The following PSD3 variants were observed in gnomAD, a reference collection of about 807,000 sequenced individuals.
PSD3 encodes the protein PH and SEC7 domain-containing protein 3.
A neutral mutation model predicts 105.5 loss-of-function variants in PSD3; 49 were observed. The ratio of observed to expected loss-of-function variants is 0.46; its 90% CI spans 0.37 to 0.59. PSD3 has a LOEUF of 0.59. Ranked by LOEUF, PSD3 falls within the 20% of genes least tolerant of loss-of-function variation. The probability of loss-of-function intolerance (pLI) is 0.00; values close to 1 mark genes in which losing one functional copy is unlikely to be tolerated. For missense variants in PSD3, 1,561 were observed against 1,263.8 expected, an observed-to-expected ratio of 1.24 and a Z score of -3.57; for synonymous variants, 557 against 457.8, an observed-to-expected ratio of 1.22 and a Z score of -2.77.
Position 19,076,034 on chromosome 8 carries a change from A to T in PSD3, c.324+8172T>A, listed in dbSNP as rs6586803. Among the ~76,000 whole-genome samples, 51 of 152,162 alleles carry T rather than the reference A, an allele frequency of 3.4e-4. 1 individual carries two copies. The South Asian group carries it at 8.3e-3, about 25-fold the overall frequency. Reference sequence around the variant, plus strand: ...CAAGGCAACCTAATAAATGAAAAAAAGGCAGGCGCCAGCCAGAAGTGGCTC... The same window carrying T: ...CAAGGCAACCTAATAAATGAAAAAATGGCAGGCGCCAGCCAGAAGTGGCTC... On this transcript the variant is annotated intron_variant, in intron 1 of 1. Transcript: ENST00000521475.
rs77850467 is a variant in PSD3 at position 18,705,990 on chromosome 8, T to C, written c.2173-50305A>G. ...ACTCCATTGATGTTGACCACACCCATGTAACTTGCTTTGGCCAGTGGACTA... is the reference window on the plus strand; with the variant it reads ...ACTCCATTGATGTTGACCACACCCACGTAACTTGCTTTGGCCAGTGGACTA... On this transcript the variant is annotated intron_variant, in intron 9 of 15. Transcript: ENST00000327040. Among the ~76,000 whole-genome samples, 827 of 152,324 alleles carry C rather than the reference T, an allele frequency of 5.4e-3. 8 individuals carry two copies. Among genetic ancestry groups the C allele is most frequent in the African/African-American group, 0.019 (802 of 41,570 alleles).
intron 4 of PSD3, among the ~76,000 whole-genome samples, chr8:18,828,071 T>A (rs868559778): frequency 1.9e-3 from 245 of 128,286 alleles, no homozygotes; most frequent in Middle Eastern, 0.012. Context: ...ATATATATTT[T>A]TTTTTTTTTA....
intron 11 of PSD3, among the ~76,000 whole-genome samples, chr8:18,608,493 C>T (rs1253425822): frequency 1.3e-5 from 2 of 152,172 alleles, no homozygotes; most frequent in African/African-American, 2.4e-5. Context: ...GCAGTTCCTC[C>T]AAAGATGGGT....
intron 4 of PSD3, among the ~76,000 whole-genome samples, chr8:18,856,392 AT>A (rs1427675343): frequency 6.6e-6 from 1 of 151,710 alleles, no homozygotes; most frequent in Non-Finnish European, 1.5e-5. Flanking sequence ...GCTGGCCACT[AT>A]GCCAGGGGTT....
intron 4 of PSD3, among the ~76,000 whole-genome samples, chr8:18,807,792 C>T (rs1811329728): frequency 6.6e-6 from 1 of 152,046 alleles, no homozygotes; most frequent in Non-Finnish European, 1.5e-5. Flanking sequence ...TTTTTTCATC[C>T]TACATCTTCC....
intron 1 of PSD3, among the ~76,000 whole-genome samples, chr8:19,037,421 C>G (rs1827981083): frequency 6.6e-6 from 1 of 152,182 alleles, no homozygotes; most frequent in Non-Finnish European, 1.5e-5. Flanking sequence ...AGGGGCTTTC[C>G]TATGGTTACT....
intron 12 of PSD3, among the ~76,000 whole-genome samples, chr8:18,599,351 A>G (rs1178139474): frequency 1.3e-5 from 2 of 152,192 alleles, no homozygotes; most frequent in Non-Finnish European, 2.9e-5. Context: ...TTCTTCAAAA[A>G]ACTGAAAACA....
At chr8:18,938,557 A>T (rs1238695732) in intron 1 of PSD3, among the ~76,000 whole-genome samples, 1 of 147,290 alleles carries the variant, frequency 6.8e-6, no homozygotes, top group African/African-American at 2.5e-5. Flanking sequence ...TGGGACGTGG[A>T]GGTTGCAGTG....
chr8:18,871,651 G>T lies in PSD3; in HGVS notation c.1213C>A (p.Pro405Thr). ...CTTTCCCTGTCTCTCTCTGGTTTAG[G>T]TGTCTTCTCAAGATGCTGTTTGTTT... ...QENKQHLEKT[P>T]KPERDRERIS... The change falls in exon 3 of 16, where the codon CCT becomes ACT. Residue 405 changes from proline to threonine, a missense_variant. Pro to Thr is a conservative substitution (Grantham distance 38, BLOSUM62 -1). Coordinates refer to ENST00000327040, the MANE Select transcript of PSD3 (RefSeq NM_015310.4). 1 of 1,611,232 alleles carries T rather than the reference G, an allele frequency of 6.2e-7. No homozygotes were observed. Among genetic ancestry groups the T allele is most frequent in the Non-Finnish European group, 8.5e-7 (1 of 1,178,622 alleles).
intron 15 of PSD3, among the ~76,000 whole-genome samples, chr8:18,538,870 A>C (rs905557271): frequency 6.6e-6 from 1 of 152,222 alleles, no homozygotes; most frequent in African/African-American, 2.4e-5. Flanking sequence ...GAGGTGTGGC[A>C]GTGCATGAGT....
chr8:18,832,249 G>T (rs540836571), intron 4 of PSD3, among the ~76,000 whole-genome samples: 1 of 152,194 alleles, frequency 6.6e-6, no homozygotes, highest in African/African-American at 2.4e-5. Flanking sequence ...AAGGATAAAA[G>T]TATAAAGTAT....
At chr8:18,650,861 A>G (rs1007561924) in intron 10 of PSD3, among the ~76,000 whole-genome samples, 3 of 152,198 alleles carry the variant, frequency 2.0e-5, no homozygotes, top group African/African-American at 7.2e-5. Flanking sequence ...TCTGCTCTTC[A>G]AAGACTTTAT....
chr8:18,912,660 C>T (rs1820307973), intron 2 of PSD3, among the ~76,000 whole-genome samples: 1 of 152,266 alleles, frequency 6.6e-6, no homozygotes, highest in Admixed American at 6.5e-5. Flanking sequence ...CACCTAGTTC[C>T]ACAACCTGAC....
chr8:18,867,667 C>T lies in PSD3; in HGVS notation c.1634+7G>A, dbSNP rs368742515. 1.5e-4 allele frequency: 234 copies of T among 1,601,690 alleles called. 2 individuals are homozygous for T. In the South Asian group the frequency reaches 2.2e-3, roughly 15 times the overall value. On this transcript the variant is annotated splice_region_variant and intron_variant, in intron 4 of 15. Transcript: ENST00000327040. ...CAGCATGAAATGAATGAGAATGGGA[C>T]GAGTACCTTCCCCAGAAAGCAATCT...
In PSD3 at chr8:18,768,154, C is replaced by T. The variant is rs773801848; in HGVS notation, c.2083-2616G>A. On this transcript the variant is annotated intron_variant, in intron 8 of 15. Transcript: ENST00000327040. ...AAAAAAAAATAGCCGGATGTCATGG[C>T]GGGCGCCTGTAATCCCAGCTACTCA... Among the ~76,000 whole-genome samples the T allele has an allele frequency of 1.4e-4, 21 of 146,994 alleles. No homozygotes were observed. In the East Asian group the frequency reaches 2.0e-3, roughly 14 times the overall value.
rs187606575 is a variant in PSD3 at position 18,575,037 on chromosome 8, T to C, written c.2639+91A>G. 5.7e-4 allele frequency: 770 copies of C among 1,346,558 alleles called. 6 individuals carry two copies. The African/African-American group carries it at 0.011, about 18-fold the overall frequency. The allele number at this position is 1,346,558 out of a possible 1,614,324, so 83.4% of individuals were successfully genotyped here. A position where few individuals can be genotyped will look rare whatever the true frequency, so the allele number is the denominator to read the frequency against. ...ATGACTTTGATTCCAACTCAAAAAATTTCCCCTGCAGAGCTTGATTTTGTT... is the reference window on the plus strand; with the variant it reads ...ATGACTTTGATTCCAACTCAAAAAACTTCCCCTGCAGAGCTTGATTTTGTT... On this transcript the variant is annotated intron_variant, in intron 13 of 15. Transcript: ENST00000327040.
intron 8 of PSD3, among the ~76,000 whole-genome samples, chr8:18,782,037 A>G (rs1373746099): frequency 1.3e-5 from 2 of 152,116 alleles, no homozygotes; most frequent in Non-Finnish European, 2.9e-5. Context: ...ATTTCTATTT[A>G]ACTTCTTTCT....
At chr8:19,066,372 G>C (rs1259747955) in intron 1 of PSD3, among the ~76,000 whole-genome samples, 3 of 152,096 alleles carry the variant, frequency 2.0e-5, no homozygotes, top group Non-Finnish European at 4.4e-5. Context: ...AGGCCATTTT[G>C]TCTCCCTCTT....
At position 18,604,887 on chromosome 8, in the gene PSD3, G is replaced by A. The variant is rs1457772493; in HGVS notation, c.2411-4453C>T. ...GCTTCCATGTGGTTTTAAGCCTGTGGCTACAAAGAGGACAAGAACTGAGGC... is the reference window on the plus strand; with the variant it reads ...GCTTCCATGTGGTTTTAAGCCTGTGACTACAAAGAGGACAAGAACTGAGGC... On this transcript the variant is annotated intron_variant, in intron 11 of 15. Coordinates refer to ENST00000327040, the MANE Select transcript of PSD3 (RefSeq NM_015310.4). Among the ~76,000 whole-genome samples, 6 of 152,204 alleles carry A rather than the reference G, an allele frequency of 3.9e-5. No homozygotes were observed. In the East Asian group the frequency reaches 1.2e-3, roughly 29 times the overall value.
Sources: allele counts gnomAD v4.1 joint callset (sites outside exome capture counted in the v4.1 genomes callset), GRCh38; gene constraint gnomAD v4.1.1; transcripts MANE v1.5; gene names NCBI Gene and HGNC (gene_info 2026-07-23, HGNC 2026-07-21).